The following TTC29 variants were observed in gnomAD, a reference collection of about 807,000 sequenced individuals.
The protein encoded by TTC29 is tetratricopeptide repeat protein 29.
A neutral mutation model predicts 58.1 loss-of-function variants in TTC29; 49 were observed. That is an observed-to-expected ratio of 0.84 (90% CI 0.67 to 1.07). The LOEUF is 1.07. TTC29 is among the 50% of genes least tolerant of loss of function. The pLI, the probability that TTC29 is intolerant of heterozygous loss-of-function variation, is 0.00. For synonymous variants in TTC29, 209 were observed against 196.8 expected (o/e 1.06, Z -0.52); for missense variants, 582 against 555.6 (o/e 1.05, Z -0.48).
chr4:146,900,697 T>G (rs1295033107), intron 6 of TTC29, among the ~76,000 whole-genome samples: 1 of 152,146 alleles, frequency 6.6e-6, no homozygotes, highest in Non-Finnish European at 1.5e-5. Context: ...GAGAGGGGAA[T>G]GGGGAGTTGC....
At chr4:146,920,312 G>A (rs1053656923) in intron 4 of TTC29, among the ~76,000 whole-genome samples, 2 of 150,890 alleles carry the variant, frequency 1.3e-5, no homozygotes, top group African/African-American at 2.4e-5. Context: ...CTATAGGTTC[G>A]TCATATATAT....
At chr4:146,842,063 TG>T (rs930703816) in intron 8 of TTC29, among the ~76,000 whole-genome samples, 8 of 152,142 alleles carry the variant, frequency 5.3e-5, no homozygotes, top group South Asian at 4.2e-4. Flanking sequence ...CTATAATTAT[TG>T]GGGGGGTGCT....
intron 10 of TTC29, among the ~76,000 whole-genome samples, chr4:146,808,089 G>A (rs1046247997): frequency 2.6e-5 from 4 of 151,998 alleles, no homozygotes; most frequent in East Asian, 1.9e-4. Flanking sequence ...TTCAACATAC[G>A]CAAATCAATA....
intron 8 of TTC29, among the ~76,000 whole-genome samples, chr4:146,834,632 G>A (rs977061974): frequency 6.6e-6 from 1 of 152,000 alleles, no homozygotes; most frequent in Non-Finnish European, 1.5e-5. Context: ...ACACACATGA[G>A]GACACAGGAA....
At chr4:146,940,342 C>T (rs1736263816) in intron 2 of TTC29, among the ~76,000 whole-genome samples, 1 of 152,148 alleles carries the variant, frequency 6.6e-6, no homozygotes, top group Non-Finnish European at 1.5e-5. Context: ...AGCCTTATCG[C>T]TCACAAATAA....
chr4:146,945,747 G>T lies in TTC29; in HGVS notation c.-92C>A, dbSNP rs1269317169. 6.6e-6 allele frequency: 1 copy of T among 152,392 alleles called. No individual in the cohort carries two copies. Among genetic ancestry groups the T allele is most frequent in the African/African-American group, 2.4e-5 (1 of 41,450 alleles). The allele number at this position is 152,392 out of a possible 1,614,324, so 9.4% of individuals were successfully genotyped here. A position where few individuals can be genotyped will look rare whatever the true frequency, so the allele number is the denominator to read the frequency against. ...CCCAGGGAAACAACTCCAGTTTTCC[G>T]TTCCGCCGAAGTCAGTCCCCCACCG... On this transcript the variant is annotated 5_prime_UTR_variant, in exon 1 of 13. Coordinates refer to ENST00000325106, the MANE Select transcript of TTC29 (RefSeq NM_031956.4).
At chr4:146,780,973 T>C (rs1289140082) in intron 11 of TTC29, among the ~76,000 whole-genome samples, 2 of 152,042 alleles carry the variant, frequency 1.3e-5, no homozygotes, top group Non-Finnish European at 2.9e-5. Flanking sequence ...AATGGTTAGA[T>C]AAATTTCAGT....
chr4:146,871,159 G>A (rs1460059978), intron 7 of TTC29, among the ~76,000 whole-genome samples: 2 of 151,834 alleles, frequency 1.3e-5, no homozygotes, highest in African/African-American at 4.8e-5. Context: ...ATTTAGCCCA[G>A]CGATGCAAGG....
intron 8 of TTC29, among the ~76,000 whole-genome samples, chr4:146,836,155 G>T (rs1728494918): frequency 6.6e-6 from 1 of 152,158 alleles, no homozygotes; most frequent in Admixed American, 6.6e-5. Context: ...ATAATATAAA[G>T]TGCTATGTAG....
rs1742190153 is a variant in TTC29 at position 146,708,341 on chromosome 4, T to TATGTATATATATATATATATATATATAC, written c.1331-791_1331-790insGTATATATATATATATATATATATACAT. Among the ~76,000 whole-genome samples, 3 of 62,858 alleles carry TATGTATATATATATATATATATATATAC rather than the reference T, an allele frequency of 4.8e-5. No homozygotes were observed. In the East Asian group the frequency reaches 1.9e-3, roughly 40 times the overall value. 41.2% of individuals were successfully genotyped at this position (62,858 alleles called of 152,430 possible). A position where few individuals can be genotyped will look rare whatever the true frequency, so the allele number is the denominator to read the frequency against. On this transcript the variant is annotated intron_variant, in intron 11 of 12. Coordinates refer to ENST00000325106, the MANE Select transcript of TTC29 (RefSeq NM_031956.4). Reference sequence around the variant, plus strand: ...ATATATATATATATATATATATATATATATATATATATATACACATGTATG... The same window carrying TATGTATATATATATATATATATATATAC: ...ATATATATATATATATATATATATATATGTATATATATATATATATATATATACATATATATATATATACACATGTATG...
At chr4:146,824,267 A>C (rs1314409051) in intron 9 of TTC29, among the ~76,000 whole-genome samples, 1 of 152,156 alleles carries the variant, frequency 6.6e-6, no homozygotes, top group Non-Finnish European at 1.5e-5. Flanking sequence ...TTATTTTGAG[A>C]GATGTTCCAT....
intron 10 of TTC29, among the ~76,000 whole-genome samples, chr4:146,808,605 G>C (rs536646304): frequency 9.2e-5 from 14 of 151,970 alleles, no homozygotes; most frequent in East Asian, 1.9e-4. Context: ...AACAGACAGA[G>C]AGCCAAATCA....
At chr4:146,887,944 G>A (rs1376782749) in intron 6 of TTC29, among the ~76,000 whole-genome samples, 1 of 151,926 alleles carries the variant, frequency 6.6e-6, no homozygotes, top group East Asian at 1.9e-4. Flanking sequence ...GGAACAATAG[G>A]GACAAGCAGA....
intron 4 of TTC29, among the ~76,000 whole-genome samples, chr4:146,913,409 C>G (rs1734021284): frequency 6.6e-6 from 1 of 152,056 alleles, no homozygotes; most frequent in Admixed American, 6.6e-5. Context: ...GTCCACCCAG[C>G]ATCTAGCTCC....
At chr4:146,738,594 C>T (rs566318813) in intron 11 of TTC29, among the ~76,000 whole-genome samples, 2 of 152,056 alleles carry the variant, frequency 1.3e-5, no homozygotes, top group Non-Finnish European at 2.9e-5. Flanking sequence ...CCACAGTTCC[C>T]GGTTCATAAC....
intron 8 of TTC29, among the ~76,000 whole-genome samples, chr4:146,848,620 T>A (rs1485547503): frequency 6.6e-6 from 1 of 152,204 alleles, no homozygotes; most frequent in Non-Finnish European, 1.5e-5. Context: ...ATTCTTATAG[T>A]AAGCTTTAGG....
chr4:146,943,599 C>T (rs115338069), intron 2 of TTC29, among the ~76,000 whole-genome samples: 236 of 152,258 alleles, frequency 1.5e-3, no homozygotes, highest in Middle Eastern at 6.8e-3. Context: ...AGAATCAATA[C>T]GTGGCCACAT....
chr4:146,937,735 AAC>A, intron 3 of TTC29, 58 bp from the exon 4 acceptor site: 1 of 994,386 alleles, frequency 1.0e-6, no homozygotes, highest in East Asian at 2.8e-5. Context: ...AAAGCTACCA[AAC>A]ACATAAAATG....
chr4:146,934,546 T>C (rs1342480618), intron 4 of TTC29, among the ~76,000 whole-genome samples: 2 of 152,060 alleles, frequency 1.3e-5, no homozygotes, highest in African/African-American at 4.8e-5. Context: ...CAGTGCTGGA[T>C]TTATAAATTG....
Sources: allele counts gnomAD v4.1 joint callset (sites outside exome capture counted in the v4.1 genomes callset), GRCh38; gene constraint gnomAD v4.1.1; transcripts MANE v1.5; gene names NCBI Gene and HGNC (gene_info 2026-07-23, HGNC 2026-07-21).